NALF1: variants seen among roughly 807,000 people sequenced by gnomAD.
NALF1 encodes family with sequence similarity 155 member A.
In NALF1, 3 loss-of-function variants were observed where a neutral mutation model predicts 48.4. The ratio of observed to expected loss-of-function variants is 0.06; its 90% confidence interval spans 0.03 to 0.16. The LOEUF (loss-of-function observed/expected upper bound fraction) is 0.16. NALF1 is among the 10% of genes least tolerant of loss of function. NALF1 has a pLI of 1.00. For synonymous variants in NALF1, 262 were observed against 245.7 expected (o/e 1.07, Z -0.62); for missense variants, 526 against 571.5 (o/e 0.92, Z 0.81).
intron 1 of NALF1, among the ~76,000 whole-genome samples, chr13:107,705,835 C>T (rs1468935794): frequency 1.6e-4 from 25 of 151,764 alleles, no homozygotes; most frequent in Non-Finnish European, 2.6e-4. Context: ...TGGGAGGTTT[C>T]GCTTTTATTT....
chr13:107,746,483 G>A (rs1414983582), intron 1 of NALF1, among the ~76,000 whole-genome samples: 1 of 152,116 alleles, frequency 6.6e-6, no homozygotes, highest in Non-Finnish European at 1.5e-5. Context: ...ATTTTTCACT[G>A]TTTAGTACTC....
intron 1 of NALF1, among the ~76,000 whole-genome samples, chr13:107,482,503 C>A (rs1261707305): frequency 2.6e-5 from 4 of 152,040 alleles, no homozygotes; most frequent in African/African-American, 9.7e-5. Flanking sequence ...GTTTGGTGAG[C>A]ATTGGAATTA....
chr13:107,540,544 T>C (rs1004338726), intron 1 of NALF1, among the ~76,000 whole-genome samples: 1 of 152,118 alleles, frequency 6.6e-6, no homozygotes, highest in Admixed American at 6.6e-5. Flanking sequence ...ACAGACCTTT[T>C]AGAAAAGGGA....
intron 1 of NALF1, among the ~76,000 whole-genome samples, chr13:107,648,760 C>A (rs1230843317): frequency 1.3e-5 from 2 of 152,138 alleles, no homozygotes; most frequent in Non-Finnish European, 2.9e-5. Flanking sequence ...ACTCTCAAAT[C>A]ATATTTCAAA....
intron 1 of NALF1, among the ~76,000 whole-genome samples, chr13:107,337,043 C>CAAAAAAAAAA (rs60969406): frequency 1.7e-5 from 2 of 114,830 alleles, no homozygotes; most frequent in African/African-American, 4.0e-5. Context: ...TTTCATTCCC[C>CAAAAAAAAAA]AAAAAAAAAA....
At chr13:107,606,294 G>T (rs906560201) in intron 1 of NALF1, among the ~76,000 whole-genome samples, 6 of 147,716 alleles carry the variant, frequency 4.1e-5, no homozygotes, top group African/African-American at 1.5e-4. Flanking sequence ...GTGTGTTTGT[G>T]TGTGTATGTA....
chr13:107,781,048 T>C (rs1223516126), intron 1 of NALF1, among the ~76,000 whole-genome samples: 1 of 152,218 alleles, frequency 6.6e-6, no homozygotes, highest in Non-Finnish European at 1.5e-5. Context: ...AGGAGAAATG[T>C]CAAATACTTA....
intron 1 of NALF1, among the ~76,000 whole-genome samples, chr13:107,402,917 T>G (rs79756988): frequency 0.013 from 2,043 of 152,268 alleles, 23 homozygotes; most frequent in South Asian, 0.034. Context: ...GTAGCCACTC[T>G]GTCATTCTAC....
intron 1 of NALF1, among the ~76,000 whole-genome samples, chr13:107,731,762 C>T (rs1876315883): frequency 6.6e-6 from 1 of 152,148 alleles, no homozygotes; most frequent in Non-Finnish European, 1.5e-5. Context: ...CGTAGTATTC[C>T]ATGGTGTATA....
intron 1 of NALF1, among the ~76,000 whole-genome samples, chr13:107,262,777 T>TCG (rs1880958526): frequency 6.6e-6 from 1 of 151,672 alleles, no homozygotes; most frequent in Non-Finnish European, 1.5e-5. Flanking sequence ...GCGCTCTCTC[T>TCG]CTCTCTCTCT....
At chr13:107,510,022 T>C (rs1301044377) in intron 1 of NALF1, among the ~76,000 whole-genome samples, 35 of 152,054 alleles carry the variant, frequency 2.3e-4, no homozygotes, top group Non-Finnish European at 2.9e-5. Context: ...TTGCCCAGGT[T>C]TGTCTTGAAC....
intron 1 of NALF1, among the ~76,000 whole-genome samples, chr13:107,792,680 A>C (rs1488811329): frequency 3.9e-5 from 6 of 152,236 alleles, no homozygotes. Flanking sequence ...GATGTATGTT[A>C]GTTAAAGTTC....
intron 2 of NALF1, among the ~76,000 whole-genome samples, chr13:107,186,707 C>T (rs1348488229): frequency 6.6e-6 from 1 of 152,194 alleles, no homozygotes; most frequent in African/African-American, 2.4e-5. Context: ...CAGCACTCTG[C>T]TTTTAGCATC....
chr13:107,844,058 A>T (rs1005857992), intron 1 of NALF1, among the ~76,000 whole-genome samples: 3 of 152,150 alleles, frequency 2.0e-5, no homozygotes, highest in African/African-American at 7.2e-5. Flanking sequence ...TCAGTTAATA[A>T]TGGACATTAA....
intron 1 of NALF1, among the ~76,000 whole-genome samples, chr13:107,452,503 A>G (rs1473121268): frequency 6.6e-6 from 1 of 152,176 alleles, no homozygotes; most frequent in African/African-American, 2.4e-5. Context: ...CTATCATGAG[A>G]ACAGCATGAA....
intron 1 of NALF1, among the ~76,000 whole-genome samples, chr13:107,536,321 C>A (rs561848907): frequency 6.6e-6 from 1 of 152,208 alleles, no homozygotes; most frequent in South Asian, 2.1e-4. Flanking sequence ...ATTTTCACAA[C>A]CTACTCATCT....
At chr13:107,179,397 G>A (rs1247674304) in intron 2 of NALF1, among the ~76,000 whole-genome samples, 1 of 151,864 alleles carries the variant, frequency 6.6e-6, no homozygotes, top group Non-Finnish European at 1.5e-5. Flanking sequence ...TAGTGGGGAT[G>A]GCTAATGAGT....
chr13:107,834,621 T>G (rs768740082), intron 1 of NALF1, among the ~76,000 whole-genome samples: 2 of 152,222 alleles, frequency 1.3e-5, no homozygotes, highest in Non-Finnish European at 1.5e-5. Flanking sequence ...ATCATTTGCC[T>G]GGAGAAAAAT....
At chr13:107,589,107 T>C (rs1303394131) in intron 1 of NALF1, among the ~76,000 whole-genome samples, 4 of 152,184 alleles carry the variant, frequency 2.6e-5, no homozygotes, top group African/African-American at 9.6e-5. Context: ...GAGTAGCGTA[T>C]ACAATGAATT....
Sources: allele counts gnomAD v4.1 joint callset (sites outside exome capture counted in the v4.1 genomes callset), GRCh38; gene constraint gnomAD v4.1.1; transcripts MANE v1.5; gene names NCBI Gene and HGNC (gene_info 2026-07-23, HGNC 2026-07-21).